Variants in CASD1 observed in about 807,000 individuals in gnomAD.
CASD1 encodes CAS1 domain sialic acid O acetyltransferase 1.
A neutral mutation model predicts 100.0 loss-of-function variants in CASD1; 41 were observed. That is an observed-to-expected ratio of 0.41 (90% CI 0.32 to 0.53). The LOEUF (loss-of-function observed/expected upper bound fraction) is 0.53, where lower values mean the gene tolerates loss of function less well. Among genes scored for constraint, CASD1 ranks in the 20% least tolerant of loss-of-function variants. The probability of loss-of-function intolerance (pLI) is 0.25; values close to 1 mark genes in which losing one functional copy is unlikely to be tolerated. For synonymous variants in CASD1, 321 were observed against 315.6 expected (o/e 1.02, Z -0.18); for missense variants, 774 against 948.7 (o/e 0.82, Z 2.42).
chr7:94,598,413 C>T, the CASD1 span: 28 of 246,274 alleles, frequency 1.1e-4, no homozygotes, highest in African/African-American at 6.1e-4. Flanking sequence ...AGGTTTAAAC[C>T]AAATAATTCT....
chr7:94,602,679 CAT>C, the CASD1 span, among the ~76,000 whole-genome samples: 103 of 151,890 alleles, frequency 6.8e-4, no homozygotes, highest in African/African-American at 2.3e-3. Flanking sequence ...AATATGCAAA[CAT>C]ATGTAAAATA....
At chr7:94,553,542 G>T (rs1234051681) in intron 16 of CASD1, among the ~76,000 whole-genome samples, 1 of 152,116 alleles carries the variant, frequency 6.6e-6, no homozygotes, top group Non-Finnish European at 1.5e-5. Flanking sequence ...CATTGAATAT[G>T]AGTTTTTCCC....
At chr7:94,543,881 A>C (rs948198638) in intron 10 of CASD1, among the ~76,000 whole-genome samples, 1 of 152,198 alleles carries the variant, frequency 6.6e-6, no homozygotes, top group Non-Finnish European at 1.5e-5. Context: ...ACCATAATAA[A>C]TGACATTAAG....
the CASD1 span, among the ~76,000 whole-genome samples, chr7:94,612,766 A>C: frequency 1.3e-5 from 2 of 152,034 alleles, no homozygotes; most frequent in African/African-American, 4.8e-5. Flanking sequence ...TGAGCTCATC[A>C]TTACCCCACC....
the CASD1 span, chr7:94,600,368 T>C: frequency 2.6e-6 from 1 of 382,128 alleles, no homozygotes. Flanking sequence ...ATAACCAAAA[T>C]ATCTAGCCTC....
rs957141169 is a variant in CASD1 at position 94,551,471 on chromosome 7, C to T, written c.1949C>T (p.Ser650Phe). The change falls in exon 15 of 18, where the codon TCT becomes TTT. Residue 650 changes from serine to phenylalanine, a missense_variant. Around this residue, in one of 5 missense-constraint regions of CASD1, gnomAD observed 175 missense variants for 206.9 expected, o/e 0.85. Coordinates refer to ENST00000297273, the MANE Select transcript of CASD1 (RefSeq NM_022900.5). ...SNFLLFISVVSFLTYSIWASS... is the reference protein window; with the variant it reads ...SNFLLFISVVFFLTYSIWASS... ...TTTCTGTTGTTTATTTCAGTAGTTTCTTTCTTGGTAAGTTTTGAAAACTTT... is the reference window on the plus strand; with the variant it reads ...TTTCTGTTGTTTATTTCAGTAGTTTTTTTCTTGGTAAGTTTTGAAAACTTT... 4 of 1,461,408 alleles carry T rather than the reference C, an allele frequency of 2.7e-6. No individual in the cohort carries two copies. The African/African-American group carries it at 4.4e-5, about 16-fold the overall frequency. 90.5% of individuals were successfully genotyped at this position (1,461,408 alleles called of 1,614,324 possible).
chr7:94,533,306 TA>T, intron 6 of CASD1, 57 bp downstream of exon 6: 1 of 1,413,930 alleles, frequency 7.1e-7, no homozygotes, highest in Non-Finnish European at 9.9e-7. Flanking sequence ...AAGAACATGC[TA>T]AGAAAAAGTT....
chr7:94,512,398 A>G (rs1384610971), intron 1 of CASD1, among the ~76,000 whole-genome samples: 1 of 152,238 alleles, frequency 6.6e-6, no homozygotes, highest in South Asian at 2.1e-4. Context: ...CTTACATTAG[A>G]TGAAGGAGAT....
intron 13 of CASD1, among the ~76,000 whole-genome samples, chr7:94,548,298 G>T (rs974538522): frequency 3.3e-5 from 5 of 151,612 alleles, no homozygotes; most frequent in African/African-American, 1.2e-4. Context: ...CACATAATAA[G>T]AAATTTTTAA....
chr7:94,624,254 G>C, the CASD1 span: 2 of 396,468 alleles, frequency 5.0e-6, no homozygotes. Flanking sequence ...GTGACACTGA[G>C]ACAAAAGAGT....
chr7:94,599,068 A>G, the CASD1 span: 2 of 812,418 alleles, frequency 2.5e-6, no homozygotes, highest in South Asian at 3.4e-5. Context: ...TTAAAATAAT[A>G]AGACATTATG....
intron 14 of CASD1, among the ~76,000 whole-genome samples, 188 bp downstream of exon 14, chr7:94,549,822 A>G (rs967122026): frequency 6.6e-6 from 1 of 152,020 alleles, no homozygotes; most frequent in Admixed American, 6.6e-5. Context: ...ATGCATGTGT[A>G]TATATATATC....
chr7:94,568,362 A>G, the CASD1 span, among the ~76,000 whole-genome samples: 1 of 152,200 alleles, frequency 6.6e-6, no homozygotes, highest in Non-Finnish European at 1.5e-5. Context: ...ACCATACATC[A>G]TAAAAGTATA....
chr7:94,533,834 T>C, intron 7 of CASD1, 32 bp downstream of exon 7: 2 of 1,506,206 alleles, frequency 1.3e-6, no homozygotes, highest in South Asian at 1.4e-5. Context: ...AATGTCACTT[T>C]GTGTATATTT....
the CASD1 span, chr7:94,629,573 A>T: frequency 1.3e-6 from 1 of 761,040 alleles, no homozygotes; most frequent in Non-Finnish European, 2.2e-6. Flanking sequence ...CTAATCTGTA[A>T]ATGAGAAATA....
chr7:94,553,079 T>C, intron 16 of CASD1: 2 of 395,342 alleles, frequency 5.1e-6, no homozygotes, highest in Non-Finnish European at 4.9e-6. Flanking sequence ...AATACTTTAA[T>C]TATAATAACT....
chr7:94,624,129 A>G, the CASD1 span: 1 of 395,666 alleles, frequency 2.5e-6, no homozygotes, highest in African/African-American at 2.1e-5. Context: ...TTTATAACAG[A>G]TATTAAATCA....
the CASD1 span, among the ~76,000 whole-genome samples, chr7:94,615,313 C>A: frequency 6.6e-6 from 1 of 151,874 alleles, no homozygotes; most frequent in African/African-American, 2.4e-5. Context: ...GAGTCGAGAT[C>A]CCACCACTGC....
chr7:94,615,166 C>T, the CASD1 span, among the ~76,000 whole-genome samples: 1 of 152,120 alleles, frequency 6.6e-6, no homozygotes, highest in Non-Finnish European at 1.5e-5. Context: ...CCAGACCAGC[C>T]TGGCCAACAT....
Sources: gnomAD v4.1 joint callset for allele counts (sites outside exome capture counted in the v4.1 genomes callset) on GRCh38, gnomAD v4.1.1 for gene constraint, gnomAD v4.1.1 regional missense constraint, MANE v1.5 for transcripts, NCBI Gene and HGNC (gene_info 2026-07-23, HGNC 2026-07-21) for gene names.